Variants in CXCL13 observed in about 807,000 individuals in gnomAD.
CXCL13 encodes C-X-C motif chemokine ligand 13.
A neutral mutation model predicts 12.2 loss-of-function variants in CXCL13; 7 were observed. The observed-to-expected ratio is 0.57, with a 90% CI of 0.33 to 1.07. CXCL13 has a LOEUF of 1.07. CXCL13 is among the 50% of genes least tolerant of loss of function. The pLI, the probability that CXCL13 is intolerant of heterozygous loss-of-function variation, is 0.04. For missense variants in CXCL13, 113 were observed against 127.4 expected (o/e 0.89, Z 0.55); for synonymous variants, 47 against 42.4 (o/e 1.11, Z -0.42).
chr4:77,532,498 T>C (rs1192310603), intron 1 of CXCL13, among the ~76,000 whole-genome samples: 1 of 152,172 alleles, frequency 6.6e-6, no homozygotes, highest in Admixed American at 6.6e-5. Context: ...TCATTTCAAC[T>C]TTGGTGAATC....
chr4:77,530,324 T>G lies in CXCL13; in HGVS notation c.-43+18536T>G, dbSNP rs1008869268. ...TTAAGGAGGATTCCCTCTTTTTCTA[T>G]TGATTGGAATAGTTTCGGAAGGAAT... On this transcript the variant is annotated intron_variant, in intron 1 of 4. Coordinates refer to the CXCL13 transcript ENST00000286758. 1.4e-4 allele frequency among the ~76,000 whole-genome samples: 21 copies of G among 152,240 alleles called. 1 individual carries two copies. Among genetic ancestry groups the G allele is most frequent in the Non-Finnish European group, 2.2e-4 (15 of 68,038 alleles).
chr4:77,536,920 C>T (rs1560518626), intron 1 of CXCL13, among the ~76,000 whole-genome samples: 1 of 152,132 alleles, frequency 6.6e-6, no homozygotes, highest in Non-Finnish European at 1.5e-5. Flanking sequence ...GTTGAGTTCT[C>T]ATGAACCAGT....
intron 1 of CXCL13, among the ~76,000 whole-genome samples, chr4:77,581,926 T>C (rs986136358): frequency 6.6e-6 from 1 of 152,208 alleles, no homozygotes; most frequent in Non-Finnish European, 1.5e-5. Context: ...AATTTTGGTT[T>C]CTATTACTCT....
intron 1 of CXCL13, among the ~76,000 whole-genome samples, chr4:77,516,063 A>C (rs112420372): frequency 0.22 from 33,313 of 152,138 alleles, 4,122 homozygotes; most frequent in South Asian, 0.35. Flanking sequence ...CTATTGAGAT[A>C]ATCATGTGGT....
intron 1 of CXCL13, among the ~76,000 whole-genome samples, chr4:77,522,304 A>G (rs1724621984): frequency 6.6e-6 from 1 of 151,822 alleles, no homozygotes; most frequent in Non-Finnish European, 1.5e-5. Context: ...TTCCATCATT[A>G]TTTTGTGGGA....
chr4:77,545,609 CTT>C (rs1199604825), intron 1 of CXCL13, among the ~76,000 whole-genome samples: 2 of 152,168 alleles, frequency 1.3e-5, no homozygotes, highest in Non-Finnish European at 2.9e-5. Flanking sequence ...TATCCTGAGA[CTT>C]TGCTGAAGTT....
intron 1 of CXCL13, among the ~76,000 whole-genome samples, chr4:77,530,578 T>G (rs1246612389): frequency 6.6e-6 from 1 of 152,236 alleles, no homozygotes; most frequent in Non-Finnish European, 1.5e-5. Context: ...GTTTATAGTA[T>G]TCTCTGATGG....
chr4:77,529,211 G>T (rs190573745), intron 1 of CXCL13, among the ~76,000 whole-genome samples: 139 of 152,268 alleles, frequency 9.1e-4, no homozygotes, highest in Non-Finnish European at 1.6e-3. Flanking sequence ...GTCAGGTAGC[G>T]TGATGCCTCC....
At chr4:77,570,777 G>A (rs553094110) in intron 1 of CXCL13, among the ~76,000 whole-genome samples, 6 of 152,256 alleles carry the variant, frequency 3.9e-5, no homozygotes, top group East Asian at 3.9e-4. Flanking sequence ...CGGCCCTGCC[G>A]GCCCTGGGCA....
chr4:77,530,168 T>C (rs1468092538), intron 1 of CXCL13, among the ~76,000 whole-genome samples: 3 of 152,232 alleles, frequency 2.0e-5, no homozygotes, highest in Non-Finnish European at 4.4e-5. Flanking sequence ...TGCTTCTGGA[T>C]TCAGTTTGCC....
At chr4:77,529,062 C>T (rs1019073037) in intron 1 of CXCL13, among the ~76,000 whole-genome samples, 1 of 152,124 alleles carries the variant, frequency 6.6e-6, no homozygotes, top group Non-Finnish European at 1.5e-5. Context: ...TTGTTTTTGT[C>T]AGGTTTGTCA....
intron 1 of CXCL13, among the ~76,000 whole-genome samples, chr4:77,516,049 G>A (rs1263188490): frequency 6.6e-6 from 1 of 152,146 alleles, no homozygotes; most frequent in East Asian, 1.9e-4. Flanking sequence ...GGCCTTTTCT[G>A]CATCTATTGA....
chr4:77,597,183 G>T (rs941147753), intron 1 of CXCL13, among the ~76,000 whole-genome samples: 1 of 152,156 alleles, frequency 6.6e-6, no homozygotes, highest in African/African-American at 2.4e-5. Flanking sequence ...TTTAAAAAAT[G>T]ATAGATTACT....
intron 1 of CXCL13, among the ~76,000 whole-genome samples, chr4:77,589,578 T>C (rs1269281135): frequency 5.9e-5 from 9 of 152,074 alleles, no homozygotes; most frequent in Admixed American, 5.9e-4. Flanking sequence ...CTAGTACATA[T>C]AGGGTTCTGT....
At chr4:77,566,415 G>T (rs888024811) in intron 1 of CXCL13, among the ~76,000 whole-genome samples, 17 of 152,168 alleles carry the variant, frequency 1.1e-4, no homozygotes, top group Non-Finnish European at 2.5e-4. Context: ...AACTAGAAAA[G>T]AAACAAAGTG....
chr4:77,603,866 T>C (rs560995688), upstream of CXCL13, among the ~76,000 whole-genome samples: 6 of 152,340 alleles, frequency 3.9e-5, no homozygotes, highest in African/African-American at 9.6e-5. Context: ...CCTCTACATA[T>C]ACCAGGTGCT....
chr4:77,533,097 A>T (rs1724971671), intron 1 of CXCL13, among the ~76,000 whole-genome samples: 1 of 152,060 alleles, frequency 6.6e-6, no homozygotes, highest in Non-Finnish European at 1.5e-5. Context: ...GTTCCTTTGG[A>T]GGAGGAGAGG....
At chr4:77,520,589 T>A (rs1417319842) in intron 1 of CXCL13, among the ~76,000 whole-genome samples, 2 of 152,244 alleles carry the variant, frequency 1.3e-5, no homozygotes, top group Non-Finnish European at 2.9e-5. Flanking sequence ...TTGCTGAAGT[T>A]GCTTATCAGC....
At chr4:77,543,281 A>G (rs1319344082) in intron 1 of CXCL13, among the ~76,000 whole-genome samples, 12 of 151,866 alleles carry the variant, frequency 7.9e-5, no homozygotes, top group Non-Finnish European at 1.3e-4. Flanking sequence ...TCTAGTGTCT[A>G]TCAATCTTGT....
Sources: gnomAD v4.1 joint callset for allele counts (sites outside exome capture counted in the v4.1 genomes callset) on GRCh38, gnomAD v4.1.1 for gene constraint, MANE v1.5 for transcripts, NCBI Gene and HGNC (gene_info 2026-07-23, HGNC 2026-07-21) for gene names.